Variants in FUT8 observed in about 807,000 individuals in gnomAD.
FUT8 encodes the protein fucosyltransferase 8, also known as alpha-(1,6)-fucosyltransferase.
A neutral mutation model predicts 71.3 loss-of-function variants in FUT8; 29 were observed. The observed-to-expected ratio is 0.41, with a 90% CI of 0.30 to 0.55. The LOEUF is 0.55. Among genes scored for constraint, FUT8 ranks in the 20% least tolerant of loss-of-function variants. The pLI is 0.34. For synonymous variants in FUT8, 254 were observed against 239.3 expected, an observed-to-expected ratio of 1.06 and a Z score of -0.57; for missense variants, 544 against 702.1, an observed-to-expected ratio of 0.77 and a Z score of 2.55.
the FUT8 span, among the ~76,000 whole-genome samples, chr14:65,390,492 A>T: frequency 6.6e-6 from 1 of 151,696 alleles, no homozygotes; most frequent in Non-Finnish European, 1.5e-5. Context: ...TATCATGTGC[A>T]TGTTGTCTAG....
chr14:65,537,540 A>C (rs1437666125), intron 2 of FUT8, among the ~76,000 whole-genome samples: 1 of 152,000 alleles, frequency 6.6e-6, no homozygotes, highest in African/African-American at 2.4e-5. Flanking sequence ...GGCACCTGCC[A>C]CCACGCCCGG....
intron 2 of FUT8, among the ~76,000 whole-genome samples, chr14:65,477,643 G>A (rs2066266138): frequency 6.6e-6 from 1 of 151,860 alleles, no homozygotes; most frequent in Admixed American, 6.6e-5. Context: ...CCCTAATATT[G>A]TTAAACAGTA....
chr14:65,640,333 G>A (rs1890767722), intron 6 of FUT8, among the ~76,000 whole-genome samples: 1 of 151,910 alleles, frequency 6.6e-6, no homozygotes, highest in Non-Finnish European at 1.5e-5. Context: ...TAAAATTATA[G>A]TTATGATATT....
rs540563057 is a variant in FUT8 at position 65,625,748 on chromosome 14, T to G, written c.483-3744T>G. ...AAGTTGTTCCACTATTAATTTAGGATGAATAGTCTAAATGGTGGCTAAGAT... is the reference window on the plus strand; with the variant it reads ...AAGTTGTTCCACTATTAATTTAGGAGGAATAGTCTAAATGGTGGCTAAGAT... On this transcript the variant is annotated intron_variant, in intron 5 of 10. Coordinates refer to ENST00000673929, the MANE Select transcript of FUT8 (RefSeq NM_001371533.1). Among the ~76,000 whole-genome samples the G allele has an allele frequency of 9.2e-5, 14 of 152,344 alleles. No homozygotes were observed. The East Asian group carries it at 2.1e-3, about 23-fold the overall frequency.
intron 3 of FUT8, among the ~76,000 whole-genome samples, chr14:65,573,292 A>T (rs185971054): frequency 5.3e-5 from 8 of 152,296 alleles, no homozygotes; most frequent in Admixed American, 1.3e-4. Flanking sequence ...AGGTAAGATC[A>T]TGCTTTCTCA....
At chr14:65,693,376 G>A (rs1374449495) in intron 7 of FUT8, among the ~76,000 whole-genome samples, 2 of 152,032 alleles carry the variant, frequency 1.3e-5, no homozygotes, top group South Asian at 4.2e-4. Flanking sequence ...GCGTGGCGGC[G>A]CGCGCCTGCA....
At chr14:65,384,588 G>A in the FUT8 span, among the ~76,000 whole-genome samples, 1 of 152,120 alleles carries the variant, frequency 6.6e-6, no homozygotes, top group African/African-American at 2.4e-5. This position sits in a 1 kb window ranked among gnomAD's most constrained non-coding sequence, Gnocchi z 4.2. Context: ...TCAGATTTAT[G>A]ATACAATTAT....
chr14:65,582,475 A>G (rs1279413520), intron 3 of FUT8, among the ~76,000 whole-genome samples: 4 of 152,200 alleles, frequency 2.6e-5, no homozygotes, highest in Non-Finnish European at 5.9e-5. Context: ...GCCTTTACAC[A>G]TTTTACTATT....
the FUT8 span, among the ~76,000 whole-genome samples, chr14:65,359,136 C>A: frequency 0.26 from 39,099 of 151,932 alleles, 5,531 homozygotes; most frequent in East Asian, 0.57. Context: ...ACCAGGGCAT[C>A]TGTTTTACTT....
At chr14:65,432,331 T>G (rs568237035) in intron 1 of FUT8, among the ~76,000 whole-genome samples, 1 of 152,228 alleles carries the variant, frequency 6.6e-6, no homozygotes, top group Non-Finnish European at 1.5e-5. Flanking sequence ...TGTCATGCTG[T>G]CATGCTTAAC....
At chr14:65,617,471 AC>A (rs765322362) in intron 5 of FUT8, among the ~76,000 whole-genome samples, 5 of 152,108 alleles carry the variant, frequency 3.3e-5, no homozygotes, top group Non-Finnish European at 7.4e-5. Flanking sequence ...ATATTTCTCT[AC>A]CCTAAAGCTG....
At chr14:65,485,185 A>T (rs1203612553) in intron 2 of FUT8, among the ~76,000 whole-genome samples, 4 of 151,956 alleles carry the variant, frequency 2.6e-5, no homozygotes, top group African/African-American at 9.7e-5. Context: ...AAAAAAAATA[A>T]TAATAATTTT....
chr14:65,368,095 C>T, the FUT8 span, among the ~76,000 whole-genome samples: 3 of 149,442 alleles, frequency 2.0e-5, no homozygotes, highest in Non-Finnish European at 3.0e-5. Flanking sequence ...ACTCTGTCGC[C>T]CAGGCTGGAG....
chr14:65,666,809 C>G (rs1892239335), intron 6 of FUT8, among the ~76,000 whole-genome samples: 2 of 152,094 alleles, frequency 1.3e-5, no homozygotes, highest in African/African-American at 4.8e-5. Flanking sequence ...AGCAGCATAT[C>G]AAAAAGTTAA....
chr14:65,427,693 T>C (rs569629717), intron 1 of FUT8, among the ~76,000 whole-genome samples: 1 of 152,224 alleles, frequency 6.6e-6, no homozygotes, highest in East Asian at 1.9e-4. Flanking sequence ...AAAATAGCAT[T>C]ATTAAGGTAT....
chr14:65,736,088 T>TA (rs1896202494), intron 10 of FUT8, among the ~76,000 whole-genome samples: 1 of 152,144 alleles, frequency 6.6e-6, no homozygotes, highest in Non-Finnish European at 1.5e-5. Context: ...TTTGACCAAT[T>TA]ACTGGCTGTG....
chr14:65,634,331 A>G (rs1198997089), intron 6 of FUT8, among the ~76,000 whole-genome samples: 1 of 152,094 alleles, frequency 6.6e-6, no homozygotes, highest in Admixed American at 6.5e-5. Context: ...AGGGCGGTGC[A>G]AGATGTGCTT....
At chr14:65,508,706 T>C (rs1230965289) in intron 2 of FUT8, among the ~76,000 whole-genome samples, 2 of 151,804 alleles carry the variant, frequency 1.3e-5, no homozygotes, top group African/African-American at 4.8e-5. Flanking sequence ...TTCACCATGT[T>C]GGCCAGGCTG....
intron 6 of FUT8, among the ~76,000 whole-genome samples, chr14:65,664,067 CA>C (rs1329809995): frequency 6.6e-6 from 1 of 152,006 alleles, no homozygotes; most frequent in Non-Finnish European, 1.5e-5. Flanking sequence ...TAATTCAGTA[CA>C]TCTAAAAACT....
Sources: gnomAD v4.1 joint callset for allele counts (sites outside exome capture counted in the v4.1 genomes callset) on GRCh38, gnomAD v4.1.1 for gene constraint, Gnocchi (gnomAD v3.1) non-coding constraint, MANE v1.5 for transcripts, NCBI Gene and HGNC (gene_info 2026-07-23, HGNC 2026-07-21) for gene names.